Variants in SNTB1 observed in about 807,000 individuals in gnomAD.
SNTB1 encodes beta-1-syntrophin.
Under a neutral mutation model 48.9 loss-of-function variants are expected in SNTB1, and 36 were observed. The observed-to-expected ratio is 0.74, with a 90% CI of 0.56 to 0.97. The LOEUF (loss-of-function observed/expected upper bound fraction) is 0.97. Among genes scored for constraint, SNTB1 ranks in the 50% least tolerant of loss-of-function variants. The pLI is 0.00. For missense variants in SNTB1, 786 were observed against 703.4 expected, an observed-to-expected ratio of 1.12 and a Z score of -1.33; for synonymous variants, 299 against 294.6, an observed-to-expected ratio of 1.01 and a Z score of -0.15.
At chr8:120,771,397 T>C (rs1819625933) in intron 1 of SNTB1, among the ~76,000 whole-genome samples, 1 of 152,228 alleles carries the variant, frequency 6.6e-6, no homozygotes, top group Non-Finnish European at 1.5e-5. Flanking sequence ...AAATTTCTGT[T>C]TCCATGTGAA....
At chr8:120,693,627 GCCC>G in intron 2 of SNTB1, 62 bp downstream of exon 2, 1 of 1,369,038 alleles carries the variant, frequency 7.3e-7, no homozygotes, top group Admixed American at 1.8e-5. Context: ...TCTCGTGAAA[GCCC>G]CCATTTAGCC....
chr8:120,645,537 A>T (rs969446171), intron 2 of SNTB1, among the ~76,000 whole-genome samples: 1 of 150,746 alleles, frequency 6.6e-6, no homozygotes, highest in Admixed American at 6.6e-5. Context: ...CTGTTTTGGT[A>T]CCAGTACCAT....
chr8:120,631,631 C>T (rs543191090), intron 3 of SNTB1, among the ~76,000 whole-genome samples: 21 of 152,186 alleles, frequency 1.4e-4, no homozygotes, highest in African/African-American at 5.1e-4. Context: ...CTTCAAGGGA[C>T]AGCAATCATG....
At chr8:120,660,040 C>T (rs986391383) in intron 2 of SNTB1, among the ~76,000 whole-genome samples, 2 of 152,162 alleles carry the variant, frequency 1.3e-5, no homozygotes, top group Non-Finnish European at 2.9e-5. Context: ...TGCAGTTACC[C>T]AGGCTTTGTT....
chr8:120,788,938 A>G (rs1819973792), intron 1 of SNTB1, among the ~76,000 whole-genome samples: 3 of 152,094 alleles, frequency 2.0e-5, no homozygotes, highest in African/African-American at 7.2e-5. Context: ...TTCAGAATAC[A>G]CATTCTTCTC....
chr8:120,733,180 A>G (rs1003175455), intron 1 of SNTB1, among the ~76,000 whole-genome samples: 1 of 152,238 alleles, frequency 6.6e-6, no homozygotes, highest in African/African-American at 2.4e-5. Flanking sequence ...AAATATTACA[A>G]TAATTTATTT....
At chr8:120,708,210 C>G (rs1194936806) in intron 1 of SNTB1, among the ~76,000 whole-genome samples, 2 of 151,598 alleles carry the variant, frequency 1.3e-5, no homozygotes, top group Admixed American at 1.3e-4. Flanking sequence ...AAAAAATAAA[C>G]TTAACAAAAC....
At chr8:120,751,239 G>A (rs907308047) in intron 1 of SNTB1, among the ~76,000 whole-genome samples, 4 of 152,210 alleles carry the variant, frequency 2.6e-5, no homozygotes, top group African/African-American at 9.6e-5. Flanking sequence ...ACTGAATTTT[G>A]ATGGAAATCT....
At chr8:120,560,895 G>C (rs1815642736) in intron 4 of SNTB1, among the ~76,000 whole-genome samples, 1 of 152,164 alleles carries the variant, frequency 6.6e-6, no homozygotes, top group Non-Finnish European at 1.5e-5. Context: ...TTCTATTGCA[G>C]TGAAATAACT....
At chr8:120,740,770 T>A (rs1003963825) in intron 1 of SNTB1, among the ~76,000 whole-genome samples, 13 of 152,122 alleles carry the variant, frequency 8.5e-5, no homozygotes, top group South Asian at 2.1e-4. Context: ...CTTTTTTTTT[T>A]AATCACTTTT....
intron 4 of SNTB1, among the ~76,000 whole-genome samples, chr8:120,562,863 T>C (rs1253826677): frequency 6.6e-6 from 1 of 151,330 alleles, no homozygotes; most frequent in Non-Finnish European, 1.5e-5. Context: ...ACAATAACCC[T>C]TGCTACCGCT....
intron 2 of SNTB1, among the ~76,000 whole-genome samples, chr8:120,679,847 A>G (rs1817899546): frequency 7.7e-6 from 1 of 129,268 alleles, no homozygotes; most frequent in Non-Finnish European, 1.5e-5. Context: ...CTCCAGACTC[A>G]TCTCTTGAGA....
chr8:120,803,438 G>C (rs914650109), intron 1 of SNTB1, among the ~76,000 whole-genome samples: 1 of 152,240 alleles, frequency 6.6e-6, no homozygotes, highest in Middle Eastern at 3.4e-3. Context: ...ATGAGGTTTG[G>C]TATATAAAAC....
At chr8:120,692,487 T>C (rs1298399031) in intron 2 of SNTB1, among the ~76,000 whole-genome samples, 1 of 152,182 alleles carries the variant, frequency 6.6e-6, no homozygotes, top group Non-Finnish European at 1.5e-5. Flanking sequence ...TTTCTCTTAT[T>C]TTCCTCCTAA....
chr8:120,576,711 G>T (rs1279485747), intron 3 of SNTB1, among the ~76,000 whole-genome samples: 1 of 152,160 alleles, frequency 6.6e-6, no homozygotes, highest in Non-Finnish European at 1.5e-5. Context: ...ACTAGCTGTG[G>T]GGGTCTTGGG....
chr8:120,634,852 A>ATTTTT (rs11347235), intron 2 of SNTB1, among the ~76,000 whole-genome samples: 7 of 139,234 alleles, frequency 5.0e-5, no homozygotes, highest in Admixed American at 4.3e-4. Context: ...ATTAGTATTC[A>ATTTTT]TTTTTTTTTT....
intron 3 of SNTB1, among the ~76,000 whole-genome samples, chr8:120,600,047 A>G (rs1220935724): frequency 6.6e-6 from 1 of 152,236 alleles, no homozygotes; most frequent in Non-Finnish European, 1.5e-5. Context: ...TTTTAGTTGG[A>G]ATATTTCAGT....
intron 3 of SNTB1, among the ~76,000 whole-genome samples, chr8:120,598,770 G>T (rs557021145): frequency 6.6e-6 from 1 of 152,190 alleles, no homozygotes; most frequent in African/African-American, 2.4e-5. Context: ...TCCTCTAGGG[G>T]AGAGCCCTTT....
rs867178478 is a variant in SNTB1 at position 120,747,287 on chromosome 8, A to C, written c.572-53379T>G. ...AGAAAACCAAATACCACATGTTCTC[A>C]CTTATTTATTGATTTATTTTTAAGA... On this transcript the variant is annotated intron_variant, in intron 1 of 6. Transcript: ENST00000517992. 6.6e-5 allele frequency among the ~76,000 whole-genome samples: 10 copies of C among 152,216 alleles called. No individual in the cohort carries two copies. The South Asian group carries it at 1.9e-3, about 28-fold the overall frequency.
Sources: allele counts gnomAD v4.1 joint callset (sites outside exome capture counted in the v4.1 genomes callset), GRCh38; gene constraint gnomAD v4.1.1; transcripts MANE v1.5; gene names NCBI Gene and HGNC (gene_info 2026-07-23, HGNC 2026-07-21).